The following LDB2 variants were observed in gnomAD, a reference collection of about 807,000 sequenced individuals.
LDB2 encodes LIM domain binding 2, also known as LIM domain-binding protein 2.
A neutral mutation model predicts 44.3 loss-of-function variants in LDB2; 12 were observed. The observed-to-expected ratio is 0.27, with a 90% CI of 0.17 to 0.44. LDB2 has a LOEUF of 0.44. Among genes scored for constraint, LDB2 ranks in the 20% least tolerant of loss-of-function variants. LDB2 has a pLI of 1.00. For missense variants in LDB2, 344 were observed against 473.5 expected, an observed-to-expected ratio of 0.73 and a Z score of 2.54; for synonymous variants, 164 against 174.8, an observed-to-expected ratio of 0.94 and a Z score of 0.49.
At chr4:16,567,464 T>C (rs745572449) in intron 5 of LDB2, among the ~76,000 whole-genome samples, 1 of 152,102 alleles carries the variant, frequency 6.6e-6, no homozygotes, top group African/African-American at 2.4e-5. Flanking sequence ...GGAATATCTC[T>C]GGAAGAAAAT....
intron 2 of LDB2, among the ~76,000 whole-genome samples, chr4:16,708,535 C>T (rs1005918218): frequency 1.3e-5 from 2 of 152,064 alleles, no homozygotes; most frequent in Non-Finnish European, 2.9e-5. Context: ...TACCACCTAC[C>T]ACCTTCCTCT....
At chr4:16,873,816 A>C (rs1319808104) in intron 1 of LDB2, among the ~76,000 whole-genome samples, 1 of 152,260 alleles carries the variant, frequency 6.6e-6, no homozygotes, top group African/African-American at 2.4e-5. Context: ...TCATCACCAC[A>C]ACCAGTTTCA....
chr4:16,673,299 C>G (rs544709134), intron 2 of LDB2, among the ~76,000 whole-genome samples: 1 of 152,198 alleles, frequency 6.6e-6, no homozygotes, highest in Non-Finnish European at 1.5e-5. Context: ...TATGCACACA[C>G]TAAACTGAGA....
At chr4:16,703,306 G>A (rs769737713) in intron 2 of LDB2, among the ~76,000 whole-genome samples, 19 of 152,234 alleles carry the variant, frequency 1.2e-4, no homozygotes, top group Non-Finnish European at 2.2e-4. Flanking sequence ...GAAGCCAGTC[G>A]TGGAAGGAGT....
chr4:16,655,895 A>ATTTTTTTT (rs1560775125), intron 2 of LDB2, among the ~76,000 whole-genome samples: 6 of 67,754 alleles, frequency 8.9e-5, no homozygotes, highest in South Asian at 4.6e-4. Flanking sequence ...CTGCAAGAAA[A>ATTTTTTTT]CTTTTTTTTT....
intron 2 of LDB2, among the ~76,000 whole-genome samples, chr4:16,680,645 T>C (rs1488802765): frequency 1.3e-5 from 2 of 152,186 alleles, no homozygotes; most frequent in Non-Finnish European, 2.9e-5. Flanking sequence ...CAAGTAAGTA[T>C]AGAAGCATGG....
chr4:16,581,396 G>C, intron 5 of LDB2: 1 of 984,238 alleles, frequency 1.0e-6, no homozygotes, highest in Non-Finnish European at 1.2e-6. Context: ...GTCACAGTGA[G>C]AGGATGCTTG....
At chr4:16,801,152 C>G (rs545626613) in intron 1 of LDB2, among the ~76,000 whole-genome samples, 34 of 152,132 alleles carry the variant, frequency 2.2e-4, no homozygotes, top group African/African-American at 8.0e-4. Flanking sequence ...TTTCCCACCC[C>G]CTCAGAATGG....
chr4:16,552,957 A>G (rs1738191195), intron 5 of LDB2, among the ~76,000 whole-genome samples: 1 of 152,204 alleles, frequency 6.6e-6, no homozygotes, highest in African/African-American at 2.4e-5. Context: ...ACTCCACCAC[A>G]GGGCAGGCCT....
At chr4:16,710,681 G>A (rs185110220) in intron 2 of LDB2, among the ~76,000 whole-genome samples, 1 of 152,270 alleles carries the variant, frequency 6.6e-6, no homozygotes, top group East Asian at 1.9e-4. Context: ...GTGTCTCTAA[G>A]GATATGAATT....
intron 3 of LDB2, among the ~76,000 whole-genome samples, chr4:16,595,104 C>A (rs1720440642): frequency 6.6e-6 from 1 of 152,074 alleles, no homozygotes; most frequent in Non-Finnish European, 1.5e-5. Flanking sequence ...CATTTCACAG[C>A]CTTCATGGGG....
chr4:16,861,832 C>T (rs1712679483), intron 1 of LDB2, among the ~76,000 whole-genome samples: 1 of 152,224 alleles, frequency 6.6e-6, no homozygotes, highest in South Asian at 2.1e-4. Flanking sequence ...CAATGCCATT[C>T]CTGTCTTCTC....
At chr4:16,630,565 T>A (rs1271453272) in intron 2 of LDB2, among the ~76,000 whole-genome samples, 1 of 152,154 alleles carries the variant, frequency 6.6e-6, no homozygotes, top group Non-Finnish European at 1.5e-5. Flanking sequence ...ATCATAAGGA[T>A]AGGATAAAAT....
rs6832826 is a variant in LDB2, at chr4:16,857,053, C to T, written c.132+41301G>A. On this transcript the variant is annotated intron_variant, in intron 1 of 7. Coordinates refer to ENST00000304523, the MANE Select transcript of LDB2 (RefSeq NM_001290.5). ...TTGAAGTCCCACTTTCTTCTTAGAG[C>T]TTTTGTTGACCATGCAAGCCCATCA... Among the ~76,000 whole-genome samples, 462 of 152,234 alleles carry T rather than the reference C, an allele frequency of 3.0e-3. 3 individuals carry two copies. The highest frequency in any genetic ancestry group is 0.011 in the African/African-American group (449 of 41,522).
intron 5 of LDB2, among the ~76,000 whole-genome samples, chr4:16,538,618 G>T (rs1732673997): frequency 1.3e-5 from 2 of 152,106 alleles, no homozygotes; most frequent in Admixed American, 1.3e-4. Flanking sequence ...AAGTTTTAGA[G>T]TCAGTCAGTA....
At chr4:16,618,890 G>T (rs28372389) in intron 2 of LDB2, among the ~76,000 whole-genome samples, 2,541 of 152,206 alleles carry the variant, frequency 0.017, 65 homozygotes, top group African/African-American at 0.056. Context: ...CGAGAGATCT[G>T]GTTAAGAGTG....
chr4:16,814,974 C>T (rs1483345228), intron 1 of LDB2, among the ~76,000 whole-genome samples: 3 of 152,144 alleles, frequency 2.0e-5, no homozygotes, highest in African/African-American at 7.2e-5. Context: ...AAACAATGCC[C>T]GATTTATGGA....
intron 2 of LDB2, among the ~76,000 whole-genome samples, chr4:16,688,431 C>T (rs912628154): frequency 6.6e-6 from 1 of 152,188 alleles, no homozygotes; most frequent in Non-Finnish European, 1.5e-5. Flanking sequence ...AGGCCAGCTT[C>T]GGCCACTGTC....
chr4:16,759,851 C>A (rs577511267), intron 1 of LDB2, among the ~76,000 whole-genome samples: 1 of 152,290 alleles, frequency 6.6e-6, no homozygotes, highest in Admixed American at 6.5e-5. Context: ...GGACAGGCAA[C>A]CACTAGCTTG....
Sources: gnomAD v4.1 joint callset for allele counts (sites outside exome capture counted in the v4.1 genomes callset) on GRCh38, gnomAD v4.1.1 for gene constraint, MANE v1.5 for transcripts, NCBI Gene and HGNC (gene_info 2026-07-23, HGNC 2026-07-21) for gene names.